FYN: variants seen among roughly 807,000 people sequenced by gnomAD.
FYN encodes the protein FYN proto-oncogene, Src family tyrosine kinase, also known as tyrosine-protein kinase Fyn.
A neutral mutation model predicts 70.2 loss-of-function variants in FYN; 10 were observed. The observed-to-expected ratio is 0.14, with a 90% confidence interval of 0.09 to 0.24. FYN has a LOEUF of 0.24. FYN is among the 10% of genes least tolerant of loss of function. The probability of loss-of-function intolerance (pLI) is 1.00; values close to 1 mark genes in which losing one functional copy is unlikely to be tolerated. For synonymous variants in FYN, 236 were observed against 248.6 expected, an observed-to-expected ratio of 0.95 and a Z score of 0.48; for missense variants, 319 against 673.1, an observed-to-expected ratio of 0.47 and a Z score of 5.82.
intron 12 of FYN, among the ~76,000 whole-genome samples, chr6:111,692,510 G>T (rs1799380642): frequency 1.3e-5 from 2 of 152,160 alleles, no homozygotes; most frequent in Admixed American, 1.3e-4. Flanking sequence ...AGTGAATAAG[G>T]CGTGGACTAA....
At chr6:111,767,755 G>T (rs928007747) in intron 3 of FYN, among the ~76,000 whole-genome samples, 1 of 152,122 alleles carries the variant, frequency 6.6e-6, no homozygotes, top group African/African-American at 2.4e-5. Flanking sequence ...TGTGGCTAAT[G>T]GTTTGTTAGA....
At chr6:111,704,215 C>T (rs1223432779) in intron 6 of FYN, 113 bp from the exon 7 acceptor site, 1 of 744,084 alleles carries the variant, frequency 1.3e-6, no homozygotes, top group African/African-American at 1.8e-5. Context: ...TAGTCCTTAA[C>T]CTTTCCCTGG....
intron 1 of FYN, among the ~76,000 whole-genome samples, chr6:111,851,850 G>A (rs1009931800): frequency 2.9e-4 from 44 of 151,312 alleles, no homozygotes; most frequent in Middle Eastern, 3.5e-3. Flanking sequence ...TGGGCAGGCT[G>A]CTATCATTAG....
At chr6:111,684,952 C>T (rs2237258) in intron 12 of FYN, among the ~76,000 whole-genome samples, 58,063 of 151,942 alleles carry the variant, frequency 0.38, 11,927 homozygotes, top group Admixed American at 0.49. Context: ...CTTCCAGTTT[C>T]CGAAGAGCCA....
rs1279514201 is a variant in FYN, at chr6:111,660,437, A to C, written c.*1302T>G. On this transcript the variant is annotated 3_prime_UTR_variant, in exon 14 of 14. Coordinates refer to ENST00000354650, the MANE Select transcript of FYN (RefSeq NM_002037.5). ...ATAACAAAAAAGGAATTAAGACTTC[A>C]GAGTTGCTAGTCAGTATTAAAAACT... 6.6e-6 allele frequency: 1 copy of C among 152,264 alleles called. No individual in the cohort carries two copies. Among genetic ancestry groups the C allele is most frequent in the African/African-American group, 2.4e-5 (1 of 41,470 alleles). The allele number at this position is 152,264 out of a possible 1,614,324, so 9.4% of individuals were successfully genotyped here.
At chr6:111,779,650 G>C (rs1158038569) in intron 3 of FYN, among the ~76,000 whole-genome samples, 1 of 152,118 alleles carries the variant, frequency 6.6e-6, no homozygotes, top group East Asian at 1.9e-4. Flanking sequence ...ATTCCCACAG[G>C]TTCTTATGAA....
intron 13 of FYN, among the ~76,000 whole-genome samples, chr6:111,668,861 G>A (rs1469953763): frequency 6.6e-6 from 1 of 152,122 alleles, no homozygotes. Flanking sequence ...CGGCTTCCCA[G>A]TCTCCTCCTG....
At chr6:111,757,301 A>G (rs987015537) in intron 3 of FYN, among the ~76,000 whole-genome samples, 1 of 152,266 alleles carries the variant, frequency 6.6e-6, no homozygotes, top group African/African-American at 2.4e-5. Flanking sequence ...TAAGCACAGG[A>G]TAATAAAAAA....
intron 2 of FYN, among the ~76,000 whole-genome samples, chr6:111,794,678 T>C (rs1771745945): frequency 6.6e-6 from 1 of 152,212 alleles, no homozygotes; most frequent in African/African-American, 2.4e-5. Flanking sequence ...AAAATCTCAG[T>C]GCCCGTAAGT....
chr6:111,844,806 C>T (rs1773472358), intron 2 of FYN: 1 of 152,138 alleles, frequency 6.6e-6, no homozygotes, highest in African/African-American at 2.4e-5. Context: ...TGGCCAACAG[C>T]CCTTTTTCCA....
At chr6:111,741,816 C>T (rs2128479822) in intron 3 of FYN, among the ~76,000 whole-genome samples, 1 of 152,308 alleles carries the variant, frequency 6.6e-6, no homozygotes, top group South Asian at 2.1e-4. Context: ...CACTGGGCCT[C>T]CCCCTGAGAA....
chr6:111,723,411 C>T (rs1801044551), intron 3 of FYN, among the ~76,000 whole-genome samples: 1 of 152,128 alleles, frequency 6.6e-6, no homozygotes, highest in Non-Finnish European at 1.5e-5. Context: ...AGAAAACAAT[C>T]CTCTTTTATA....
At chr6:111,778,689 T>A (rs2128505520) in intron 3 of FYN, among the ~76,000 whole-genome samples, 1 of 151,364 alleles carries the variant, frequency 6.6e-6, no homozygotes, top group African/African-American at 2.4e-5. Context: ...AGAGATGGGG[T>A]TTTATCATGT....
intron 9 of FYN, among the ~76,000 whole-genome samples, chr6:111,698,832 C>T (rs1799695988): frequency 6.6e-6 from 1 of 152,164 alleles, no homozygotes; most frequent in Non-Finnish European, 1.5e-5. Flanking sequence ...CGCCTGTAAT[C>T]CCAGCACTTT....
chr6:111,807,141 T>C (rs374865939), intron 2 of FYN, among the ~76,000 whole-genome samples: 2 of 152,236 alleles, frequency 1.3e-5, no homozygotes, highest in South Asian at 4.1e-4. Flanking sequence ...GAGGGATTTA[T>C]TTTAACAGAG....
At chr6:111,689,244 A>G (rs1324335169) in intron 12 of FYN, among the ~76,000 whole-genome samples, 1 of 152,226 alleles carries the variant, frequency 6.6e-6, no homozygotes, top group Non-Finnish European at 1.5e-5. Context: ...TGTAAGTGAC[A>G]GAGCTGATTC....
intron 1 of FYN, among the ~76,000 whole-genome samples, chr6:111,864,810 C>G (rs12528055): frequency 6.6e-6 from 1 of 152,054 alleles, no homozygotes; most frequent in African/African-American, 2.4e-5. Context: ...TCACACAGAC[C>G]TGGCTTCACT....
At chr6:111,808,929 C>T (rs1160618040) in intron 2 of FYN, among the ~76,000 whole-genome samples, 1 of 152,170 alleles carries the variant, frequency 6.6e-6, no homozygotes, top group African/African-American at 2.4e-5. Flanking sequence ...GAAATGATAT[C>T]TTACTTTAGC....
chr6:111,670,134 C>T (rs1450477320), intron 13 of FYN, among the ~76,000 whole-genome samples: 1 of 152,176 alleles, frequency 6.6e-6, no homozygotes, highest in Non-Finnish European at 1.5e-5. Context: ...AATCCCCTCA[C>T]TTCCCACCTC....
Sources: allele counts gnomAD v4.1 joint callset (sites outside exome capture counted in the v4.1 genomes callset), GRCh38; gene constraint gnomAD v4.1.1; transcripts MANE v1.5; gene names NCBI Gene and HGNC (gene_info 2026-07-23, HGNC 2026-07-21).